DMKN: variants seen among roughly 807,000 people sequenced by gnomAD.
DMKN encodes the protein dermokine.
DMKN carries 58 observed loss-of-function variants against 67.6 expected under a neutral mutation model. That is an observed-to-expected ratio of 0.86 (90% CI 0.69 to 1.07). The LOEUF is 1.07. Among genes scored for constraint, DMKN ranks in the 50% least tolerant of loss-of-function variants. DMKN has a pLI of 0.00. For synonymous variants in DMKN, 240 were observed against 232.3 expected, an observed-to-expected ratio of 1.03 and a Z score of -0.30; for missense variants, 596 against 601.5, an observed-to-expected ratio of 0.99 and a Z score of 0.10.
intron 7 of DMKN, chr19:35,509,457 C>G (rs899963401): frequency 1.3e-5 from 2 of 155,858 alleles, no homozygotes. Flanking sequence ...TCAGCCCCAC[C>G]CAGCCCTGTT....
chr19:35,499,949 C>T lies in DMKN; in HGVS notation c.1359+9G>A, dbSNP rs148824329. On this transcript the variant is annotated intron_variant, in intron 13 of 15. Transcript: ENST00000339686. ...CCCAGCGGGAAGACAGGGTGGTTGC[C>T]GGTCTCACCTTTGCAGGGGTCTTGA... 158 of 1,613,982 alleles carry T rather than the reference C, an allele frequency of 9.8e-5. No homozygotes were observed. Among genetic ancestry groups the T allele is most frequent in the Admixed American group, 2.8e-4 (17 of 60,008 alleles).
intron 7 of DMKN, chr19:35,508,065 A>G: frequency 9.0e-7 from 1 of 1,106,556 alleles, no homozygotes; most frequent in Non-Finnish European, 1.3e-6. Flanking sequence ...ACCCATCAGT[A>G]CTTCCTCGTT....
chr19:35,506,768 C>T (rs2069626378), intron 7 of DMKN: 1 of 285,572 alleles, frequency 3.5e-6, no homozygotes, highest in Admixed American at 4.3e-5. Context: ...AATCCCAGCA[C>T]TTTGAGAGGC....
At chr19:35,508,002 G>A (rs1047266223) in intron 7 of DMKN, 7 of 612,108 alleles carry the variant, frequency 1.1e-5, no homozygotes, top group Non-Finnish European at 1.4e-5. Context: ...CCCTCTTAAG[G>A]GAGAGGTGGG....
Position 35,513,379 on chromosome 19 carries a change from T to C in DMKN, c.97A>G (p.Thr33Ala). ...TGTCCAAGGGCCTCCCCAATATTTG[T>C]CCCAGTGCTTTCCTCTCCGCTCTGC... ...PLQSGEESTG[T>A]NIGEALGHGL... The change falls in exon 1 of 16, where the codon ACA (threonine) becomes GCA (alanine). Residue 33 changes from threonine to alanine, a missense_variant. Transcript: ENST00000339686. 1 of 1,612,000 alleles carries C rather than the reference T, an allele frequency of 6.2e-7. No homozygotes were observed.
chr19:35,512,836 T>C lies in DMKN; in HGVS notation c.427-46A>G, dbSNP rs374591590. 1.3e-5 allele frequency: 20 copies of C among 1,586,350 alleles called. No individual in the cohort carries two copies. The African/African-American group carries it at 1.9e-4, about 15-fold the overall frequency. ...CACTTAGTGGGACCATCTCTGACCCTGGTAGAGAAGAGCCAGGGCAAATCA... is the reference window on the plus strand; with the variant it reads ...CACTTAGTGGGACCATCTCTGACCCCGGTAGAGAAGAGCCAGGGCAAATCA... On this transcript the variant is annotated intron_variant, in intron 1 of 15. Coordinates refer to ENST00000339686, the MANE Select transcript of DMKN (RefSeq NM_033317.5).
chr19:35,506,830 A>G, intron 7 of DMKN: 1 of 245,762 alleles, frequency 4.1e-6, no homozygotes, highest in Non-Finnish European at 8.3e-6. Context: ...CCTGGCCAAC[A>G]TAGTGAAACC....
intron 5 of DMKN, chr19:35,510,659 G>A (rs2070588786): frequency 1.4e-5 from 16 of 1,144,310 alleles, no homozygotes; most frequent in Admixed American, 2.9e-5. Context: ...GGGAGAGGAG[G>A]ATCATACGGG....
At chr19:35,505,818 C>T (rs2069375286) in intron 8 of DMKN, 53 bp from the exon 9 acceptor site, 1 of 1,613,852 alleles carries the variant, frequency 6.2e-7, no homozygotes, top group East Asian at 2.2e-5. Context: ...AGGTAATTGG[C>T]CGAGAGAGGT....
At chr19:35,504,308 G>C (rs1349148934) in intron 9 of DMKN, among the ~76,000 whole-genome samples, 3 of 152,160 alleles carry the variant, frequency 2.0e-5, no homozygotes, top group Non-Finnish European at 4.4e-5. Context: ...CAGATGCAGT[G>C]ACTCATGCCT....
chr19:35,504,137 T>A (rs2068972107), intron 9 of DMKN, among the ~76,000 whole-genome samples: 1 of 152,072 alleles, frequency 6.6e-6, no homozygotes, highest in Admixed American at 6.5e-5. Context: ...GATCACTCCC[T>A]CGACTGCCGC....
In DMKN at chr19:35,511,815, T is replaced by C. The variant is rs867566490; in HGVS notation, c.685-2A>G. The stretch of plus-strand genomic sequence containing the variant: ...GCCAGATGGTGGGGGATTCGTGCAC[T>C]GTCGAGGGAAAGGGATGGTGAGTTT... On this transcript the variant is annotated splice_acceptor_variant, in intron 3 of 15. Transcript: ENST00000339686. LOFTEE classifies it high-confidence loss of function. 1 of 1,612,374 alleles carries C rather than the reference T, an allele frequency of 6.2e-7. No individual in the cohort carries two copies.
At chr19:35,511,390 C>G in intron 5 of DMKN, 21 bp downstream of exon 5, 1 of 1,606,974 alleles carries the variant, frequency 6.2e-7, no homozygotes, top group Non-Finnish European at 8.5e-7. Flanking sequence ...TCTCAGCCTT[C>G]CACAGAGGTG....
At position 35,508,157 on chromosome 19, in the gene DMKN, C is replaced by T. The variant is rs1048071874; in HGVS notation, c.1038+1754G>A. 5.2e-6 allele frequency: 8 copies of T among 1,551,026 alleles called. No individual in the cohort carries two copies. In the South Asian group the frequency reaches 9.5e-5, roughly 18 times the overall value. On this transcript the variant is annotated intron_variant, in intron 7 of 15. Coordinates refer to ENST00000339686, the MANE Select transcript of DMKN (RefSeq NM_033317.5). ...GCTCCTGGAGAACAGACCTCTACCCCACTTACTACCGGCACAGTCTCTGAC... is the reference window on the plus strand; with the variant it reads ...GCTCCTGGAGAACAGACCTCTACCCTACTTACTACCGGCACAGTCTCTGAC...
chr19:35,498,677 G>A, intron 15 of DMKN, 39 bp downstream of exon 15: 1 of 1,612,932 alleles, frequency 6.2e-7, no homozygotes, highest in Non-Finnish European at 8.5e-7. Flanking sequence ...TGCCTCCACT[G>A]CCAGGATGTG....
At chr19:35,506,037 A>T in intron 7 of DMKN, 51 bp from the exon 8 acceptor site, 5 of 1,613,778 alleles carry the variant, frequency 3.1e-6, no homozygotes, top group Non-Finnish European at 4.2e-6. Context: ...TTTGTGAGCC[A>T]GAGTCGGGAG....
chr19:35,501,813 C>T lies in DMKN; in HGVS notation c.1239+323G>A, dbSNP rs750659999. ...GATCTCCCCGCACCTGTGCACCCTGCGGTACCCACCCAGCCGTGGCTCCCC... is the reference window on the plus strand; with the variant it reads ...GATCTCCCCGCACCTGTGCACCCTGTGGTACCCACCCAGCCGTGGCTCCCC... On this transcript the variant is annotated intron_variant, in intron 11 of 15. Transcript: ENST00000339686. 31 of 1,561,004 alleles carry T rather than the reference C, an allele frequency of 2.0e-5. No homozygotes were observed. The East Asian group carries it at 2.4e-4, about 12-fold the overall frequency.
intron 8 of DMKN, 75 bp from the exon 9 acceptor site, chr19:35,505,840 G>A: frequency 6.2e-7 from 1 of 1,613,112 alleles, no homozygotes; most frequent in Non-Finnish European, 8.5e-7. Flanking sequence ...AAGGGCCACT[G>A]CTGACTGTTG....
At chr19:35,507,607 A>T (rs1400451364) in intron 7 of DMKN, 1 of 1,036,392 alleles carries the variant, frequency 9.6e-7, no homozygotes, top group African/African-American at 1.6e-5. Flanking sequence ...GGATTCCTGA[A>T]TCGGGGGACT....
Sources: gnomAD v4.1 joint callset for allele counts (sites outside exome capture counted in the v4.1 genomes callset) on GRCh38, gnomAD v4.1.1 for gene constraint, MANE v1.5 for transcripts, NCBI Gene and HGNC (gene_info 2026-07-23, HGNC 2026-07-21) for gene names.